ZNF213: variants seen among roughly 807,000 people sequenced by gnomAD.
ZNF213 encodes zinc finger protein 213.
A neutral mutation model predicts 46.0 loss-of-function variants in ZNF213; 32 were observed. The observed-to-expected ratio is 0.70, with a 90% confidence interval of 0.52 to 0.93. The LOEUF is 0.93. Among genes scored for constraint, ZNF213 ranks in the 40% least tolerant of loss-of-function variants. ZNF213 has a pLI of 0.00. For synonymous variants in ZNF213, 297 were observed against 271.0 expected (o/e 1.10, Z -0.94); for missense variants, 639 against 652.8 (o/e 0.98, Z 0.23).
rs1401350194 is a variant in ZNF213 at position 3,141,678 on chromosome 16, A to G, written c.*331A>G. ...AGGACTCAGGTCTAGGTCCCTTCCC[A>G]GAAGCCCCCGAGCCTCATTTGACTG... On this transcript the variant is annotated 3_prime_UTR_variant, in exon 6 of 6. Transcript: ENST00000396878. 5.8e-6 allele frequency: 2 copies of G among 345,310 alleles called. No homozygotes were observed. Among genetic ancestry groups the G allele is most frequent in the Non-Finnish European group, 5.3e-6 (1 of 190,060 alleles). 21.4% of individuals were successfully genotyped at this position (345,310 alleles called of 1,614,324 possible). A position where few individuals can be genotyped will look rare whatever the true frequency, so the allele number is the denominator to read the frequency against.
rs1001663519 is a variant in ZNF213, at chr16:3,135,138, G to C, written c.-365G>C. 6.5e-6 allele frequency: 1 copy of C among 152,886 alleles called. No individual in the cohort carries two copies. The highest frequency in any genetic ancestry group is 6.6e-5 in the Admixed American group (1 of 15,258). 9.5% of individuals were successfully genotyped at this position (152,886 alleles called of 1,614,324 possible). On this transcript the variant is annotated 5_prime_UTR_variant, in exon 1 of 6. Transcript: ENST00000396878. Reference sequence around the variant, plus strand: ...GGGGCGGGGGCCGGGGCGGGGACGGGGCCTCTGGCCGCCTGGCTCCAACAT... The same window carrying C: ...GGGGCGGGGGCCGGGGCGGGGACGGCGCCTCTGGCCGCCTGGCTCCAACAT...
chr16:3,136,412 A>C (rs1417794777), intron 1 of ZNF213, among the ~76,000 whole-genome samples: 1 of 152,216 alleles, frequency 6.6e-6, no homozygotes, highest in Non-Finnish European at 1.5e-5. Context: ...ATAATGAAAC[A>C]TATCAGTTAA....
Position 3,140,735 on chromosome 16 carries a change from G to A in ZNF213, c.768G>A (p.Met256Ile). ...GQSEKSLLQE[M>I]VPVVPGQTGS... ...GTGAGAAGTCCCTGCTGCAGGAGAT[G>A]GTGCCGGTGGTGCCAGGCCAGACAG... Residue 256 changes from methionine to isoleucine, a missense_variant, in exon 6 of 6, where the codon ATG (methionine) becomes ATA (isoleucine). Physicochemically the swap from Met to Ile is conservative, Grantham distance 10. Coordinates refer to ENST00000396878, the MANE Select transcript of ZNF213 (RefSeq NM_004220.3). The A allele has an allele frequency of 6.5e-7, 1 of 1,532,446 alleles. No homozygotes were observed. Among genetic ancestry groups the A allele is most frequent in the Non-Finnish European group, 8.7e-7 (1 of 1,146,514 alleles). The allele number at this position is 1,532,446 out of a possible 1,614,324, so 94.9% of individuals were successfully genotyped here.
At position 3,136,545 on chromosome 16, in the gene ZNF213, G is replaced by A. The variant is rs143801118; in HGVS notation, c.-115-621G>A. ...ATCCTGGCCAACATGGTGAAACCTC[G>A]TCTCTACTAAAAATACAAAAAATTA... On this transcript the variant is annotated intron_variant, in intron 1 of 5. Coordinates refer to ENST00000396878, the MANE Select transcript of ZNF213 (RefSeq NM_004220.3). 3.2e-4 allele frequency among the ~76,000 whole-genome samples: 49 copies of A among 152,126 alleles called. No individual in the cohort carries two copies. The East Asian group carries it at 8.7e-3, about 27-fold the overall frequency.
At chr16:3,135,847 T>G (rs1468507294) in intron 1 of ZNF213, among the ~76,000 whole-genome samples, 1 of 149,798 alleles carries the variant, frequency 6.7e-6, no homozygotes, top group African/African-American at 2.4e-5. Context: ...TCTTTCTTTT[T>G]TTTTTTTTTT....
Position 3,137,655 on chromosome 16 carries a change from G to A in ZNF213, c.375G>A (p.Lys125=). ...TCGCCTTGGTGGAGGACCTACAGAA[G>A]CAGCCAGTGAAAGCCTGGCGACAGG... ...EAVALVEDLQ[K]QPVKAWRQDV... is the part of the protein sequence containing the mutation. Residue 125 remains lysine (K), a synonymous_variant, in exon 2 of 6, where the codon AAG becomes AAA. Transcript: ENST00000396878. 4.3e-6 allele frequency: 7 copies of A among 1,613,392 alleles called. No individual in the cohort carries two copies. The highest frequency in any genetic ancestry group is 5.9e-6 in the Non-Finnish European group (7 of 1,179,958).
At position 3,138,767 on chromosome 16, in the gene ZNF213, A is replaced by G. The variant is rs756177211; in HGVS notation, c.546A>G (p.Lys182=). ...SHSAQPPALL[K]EGRPGETTDT... Reference sequence around the variant, plus strand: ...CAGCCCAGCCTCCTGCTCTTCTTAAAGAGGGTCGTCCCGGAGAGACGACGG... The same window carrying G: ...CAGCCCAGCCTCCTGCTCTTCTTAAGGAGGGTCGTCCCGGAGAGACGACGG... Residue 182 remains lysine (K), a synonymous_variant, in exon 4 of 6, where the codon AAA becomes AAG. Transcript: ENST00000396878. 23 of 1,614,058 alleles carry G rather than the reference A, an allele frequency of 1.4e-5. No individual in the cohort carries two copies. Among genetic ancestry groups the G allele is most frequent in the Non-Finnish European group, 1.9e-5 (22 of 1,179,986 alleles).
At chr16:3,137,778 A>G in intron 2 of ZNF213, 99 bp downstream of exon 2, 2 of 1,449,828 alleles carry the variant, frequency 1.4e-6, no homozygotes, top group Non-Finnish European at 1.9e-6. Flanking sequence ...CTCACAGGGT[A>G]GGGGAGACAC....
intron 2 of ZNF213, 60 bp downstream of exon 2, chr16:3,137,739 G>T (rs1458653982): frequency 2.6e-6 from 4 of 1,561,960 alleles, no homozygotes; most frequent in Non-Finnish European, 3.5e-6. Context: ...AGAGAAGTGG[G>T]TAACCTGCAG....
At chr16:3,138,636 T>G in intron 3 of ZNF213, 95 bp downstream of exon 3, 1 of 1,609,256 alleles carries the variant, frequency 6.2e-7, no homozygotes, top group Non-Finnish European at 8.5e-7. Context: ...GCAGGACAGC[T>G]CCCTCTGTGA....
intron 2 of ZNF213, 73 bp downstream of exon 2, chr16:3,137,752 A>G (rs1957557320): frequency 2.0e-6 from 3 of 1,537,678 alleles, no homozygotes; most frequent in African/African-American, 2.7e-5. Flanking sequence ...ACCTGCAGAG[A>G]TAAGTCTCCC....
At chr16:3,137,743 C>A in intron 2 of ZNF213, 64 bp downstream of exon 2, 2 of 1,556,592 alleles carry the variant, frequency 1.3e-6, no homozygotes, top group Non-Finnish European at 8.7e-7. Context: ...AAGTGGGTAA[C>A]CTGCAGAGAT....
At position 3,138,796 on chromosome 16, in the gene ZNF213, C is replaced by A; in HGVS notation, c.575C>A (p.Thr192Asn). 10 of 1,614,070 alleles carry A rather than the reference C, an allele frequency of 6.2e-6. No homozygotes were observed. Among genetic ancestry groups the A allele is most frequent in the Non-Finnish European group, 8.5e-6 (10 of 1,179,986 alleles). ...KEGRPGETTD[T>N]CFVSGVHGPV... is the part of the protein sequence containing the mutation. ...GGTCGTCCCGGAGAGACGACGGACA[C>A]CTGCTTTGTCTCTGGGGTCCATGTG... Residue 192 changes from threonine (T) to asparagine (N), a missense_variant, in exon 4 of 6, where the codon ACC (threonine) becomes AAC (asparagine). Transcript: ENST00000396878.
rs1343142164 is a variant in ZNF213, at chr16:3,142,133, C to T, written c.*786C>T. The stretch of plus-strand genomic sequence containing the variant: ...CTGCACCAGACTCAGCACTAGCACT[C>T]CATCAGCACTAGCACCTCACTCCAT... On this transcript the variant is annotated 3_prime_UTR_variant, in exon 6 of 6. Coordinates refer to ENST00000396878, the MANE Select transcript of ZNF213 (RefSeq NM_004220.3). 1 of 171,316 alleles carries T rather than the reference C, an allele frequency of 5.8e-6. No individual in the cohort carries two copies. The highest frequency in any genetic ancestry group is 2.5e-5 in the African/African-American group (1 of 40,786). 10.6% of individuals were successfully genotyped at this position (171,316 alleles called of 1,614,324 possible).
chr16:3,137,227 C>G lies in ZNF213; in HGVS notation c.-54C>G. The G allele has an allele frequency of 6.6e-7, 1 of 1,522,854 alleles. No individual in the cohort carries two copies. Among genetic ancestry groups the G allele is most frequent in the Non-Finnish European group, 8.8e-7 (1 of 1,139,340 alleles). 94.3% of individuals were successfully genotyped at this position (1,522,854 alleles called of 1,614,324 possible). A position where few individuals can be genotyped will look rare whatever the true frequency, so the allele number is the denominator to read the frequency against. On this transcript the variant is annotated 5_prime_UTR_variant, in exon 2 of 6. Transcript: ENST00000396878. ...GGATCCCTCTGGGAGACTGAAAGTA[C>G]AGGTTCTGGGGCCCAGGTTGAAGCC...
At chr16:3,138,309 C>G (rs1652169082) in intron 2 of ZNF213, 109 bp from the exon 3 acceptor site, 1 of 1,541,428 alleles carries the variant, frequency 6.5e-7, no homozygotes, top group African/African-American at 1.4e-5. Context: ...GTCTCCTTCC[C>G]ACACCCCAGC....
chr16:3,136,864 G>A (rs908514340), intron 1 of ZNF213, among the ~76,000 whole-genome samples: 2 of 152,162 alleles, frequency 1.3e-5, no homozygotes, highest in Non-Finnish European at 2.9e-5. Context: ...TACATTTAGT[G>A]GAATAAATTG....
chr16:3,138,287 G>A, intron 2 of ZNF213, 131 bp from the exon 3 acceptor site: 2 of 1,504,646 alleles, frequency 1.3e-6, no homozygotes, highest in Non-Finnish European at 1.8e-6. Context: ...CTTTTCCTGG[G>A]GCACCATATT....
intron 1 of ZNF213, among the ~76,000 whole-genome samples, chr16:3,136,246 T>C (rs1238936607): frequency 6.6e-6 from 1 of 152,184 alleles, no homozygotes; most frequent in African/African-American, 2.4e-5. Context: ...TATGTACCTG[T>C]GGATAAATGG....
Sources: gnomAD v4.1 joint callset for allele counts (sites outside exome capture counted in the v4.1 genomes callset) on GRCh38, gnomAD v4.1.1 for gene constraint, MANE v1.5 for transcripts, NCBI Gene and HGNC (gene_info 2026-07-23, HGNC 2026-07-21) for gene names.